IQCH: variants seen among roughly 807,000 people sequenced by gnomAD.
The protein encoded by IQCH is IQ motif containing H, also known as IQ domain-containing protein H.
IQCH carries 98 observed loss-of-function variants against 117.0 expected under a neutral mutation model. The ratio of observed to expected loss-of-function variants is 0.84; its 90% CI spans 0.71 to 0.99. The LOEUF is 0.99. IQCH is among the 50% of genes least tolerant of loss of function. The probability of loss-of-function intolerance (pLI) is 0.00; values close to 1 mark genes in which losing one functional copy is unlikely to be tolerated. For synonymous variants in IQCH, 412 were observed against 448.2 expected, an observed-to-expected ratio of 0.92 and a Z score of 1.02; for missense variants, 1,102 against 1,243.8, an observed-to-expected ratio of 0.89 and a Z score of 1.72.
In IQCH at chr15:67,411,534, T is replaced by A. The variant is rs2081450009; in HGVS notation, c.2098-5397T>A. ...TCCCTTGATTTTCTTTTGAACACCA[T>A]CAGTGTCTGATATGGGAGATTTGAG... is the stretch of plus-strand genomic sequence containing the variant. On this transcript the variant is annotated intron_variant, in intron 14 of 20. Coordinates refer to ENST00000335894, the MANE Select transcript of IQCH (RefSeq NM_001031715.3). This position sits in a 1 kb window ranked among gnomAD's most constrained non-coding sequence, Gnocchi z 4.4. 6.6e-6 allele frequency among the ~76,000 whole-genome samples: 1 copy of A among 152,190 alleles called. No homozygotes were observed. The highest frequency in any genetic ancestry group is 2.1e-4 in the South Asian group (1 of 4,832).
intron 14 of IQCH, among the ~76,000 whole-genome samples, chr15:67,400,634 G>A (rs1204553328): frequency 1.3e-5 from 2 of 151,080 alleles, no homozygotes; most frequent in African/African-American, 2.4e-5. Context: ...ACAGGCATGC[G>A]CCACCATGCC....
rs1267180227 is a variant in IQCH at position 67,430,301 on chromosome 15, G to A, written c.2505+8724G>A. ...ATAAACAGTATCTAGTAGGTTCTAGGAGGGATATGAAGTACTTACTAAAGG... is the reference window on the plus strand; with the variant it reads ...ATAAACAGTATCTAGTAGGTTCTAGAAGGGATATGAAGTACTTACTAAAGG... On this transcript the variant is annotated intron_variant, in intron 16 of 20. Coordinates refer to ENST00000335894, the MANE Select transcript of IQCH (RefSeq NM_001031715.3). The surrounding 1 kb of genome is among the most constrained non-coding windows in gnomAD (Gnocchi z 5.1). The A allele has an allele frequency of 6.6e-6, 1 of 152,098 alleles. No individual in the cohort carries two copies. The highest frequency in any genetic ancestry group is 1.5e-5 in the Non-Finnish European group (1 of 68,012). 9.4% of individuals were successfully genotyped at this position (152,098 alleles called of 1,614,324 possible).
At chr15:67,269,539 G>A (rs1433113952) in intron 3 of IQCH, among the ~76,000 whole-genome samples, 5 of 152,112 alleles carry the variant, frequency 3.3e-5, no homozygotes, top group Non-Finnish European at 7.4e-5. Flanking sequence ...GTAGAGTAGT[G>A]TTAACTATAG....
At position 67,501,154 on chromosome 15, in the gene IQCH, T is replaced by C. The variant is rs1474843574; in HGVS notation, c.*408T>C. On this transcript the variant is annotated 3_prime_UTR_variant, in exon 21 of 21. Coordinates refer to ENST00000335894, the MANE Select transcript of IQCH (RefSeq NM_001031715.3). This position sits in a 1 kb window ranked among gnomAD's most constrained non-coding sequence, Gnocchi z 5.2. ...ATAGTCCATCGATCTTCTGCATTTATAGGTTTGAATAAAGGCTTAAGAATT... is the reference window on the plus strand; with the variant it reads ...ATAGTCCATCGATCTTCTGCATTTACAGGTTTGAATAAAGGCTTAAGAATT... 1.3e-5 allele frequency: 2 copies of C among 152,554 alleles called. No homozygotes were observed. Among genetic ancestry groups the C allele is most frequent in the South Asian group, 2.1e-4 (1 of 4,840 alleles). The allele number at this position is 152,554 out of a possible 1,614,324, so 9.5% of individuals were successfully genotyped here.
In IQCH at chr15:67,359,936, C is replaced by T. The variant is rs768883589; in HGVS notation, c.753+51C>T. 18 of 1,461,734 alleles carry T rather than the reference C, an allele frequency of 1.2e-5. No individual in the cohort carries two copies. Among genetic ancestry groups the T allele is most frequent in the Non-Finnish European group, 1.6e-5 (17 of 1,041,636 alleles). 90.5% of individuals were successfully genotyped at this position (1,461,734 alleles called of 1,614,324 possible). A position where few individuals can be genotyped will look rare whatever the true frequency, so the allele number is the denominator to read the frequency against. On this transcript the variant is annotated intron_variant, in intron 8 of 20. Transcript: ENST00000335894. This position sits in a 1 kb window ranked among gnomAD's most constrained non-coding sequence, Gnocchi z 4.5. ...AATTTAGGGTCTGTCACCTGATGTC[C>T]CTTCCTTTTGCTGCAGGGCAAGAGT...
Position 67,450,096 on chromosome 15 carries a change from A to G in IQCH, c.2506-15031A>G, listed in dbSNP as rs534206254. Reference sequence around the variant, plus strand: ...ATTTTGTAACCTGAGACTTTGCTGAAGTTGCTTATCAGCTTGAGATTTTGG... The same window carrying G: ...ATTTTGTAACCTGAGACTTTGCTGAGGTTGCTTATCAGCTTGAGATTTTGG... On this transcript the variant is annotated intron_variant, in intron 16 of 20. Coordinates refer to ENST00000335894, the MANE Select transcript of IQCH (RefSeq NM_001031715.3). Among the ~76,000 whole-genome samples the G allele has an allele frequency of 6.6e-5, 10 of 152,344 alleles. No homozygotes were observed. The South Asian group carries it at 2.1e-3, about 32-fold the overall frequency.
chr15:67,402,097 G>GC (rs1596313289), intron 14 of IQCH, among the ~76,000 whole-genome samples: 2 of 152,202 alleles, frequency 1.3e-5, no homozygotes, highest in East Asian at 3.9e-4. Context: ...GTATTTAGAA[G>GC]CCTCATTGTG....
chr15:67,451,839 T>C (rs1291183574), intron 16 of IQCH, among the ~76,000 whole-genome samples: 5 of 152,150 alleles, frequency 3.3e-5, no homozygotes, highest in Non-Finnish European at 7.3e-5. Context: ...AAGTCTCCCA[T>C]TATTATTGTG....
intron 5 of IQCH, among the ~76,000 whole-genome samples, chr15:67,339,321 C>G (rs1211611973): frequency 6.6e-6 from 1 of 152,136 alleles, no homozygotes; most frequent in Non-Finnish European, 1.5e-5. Context: ...TCATGACTCT[C>G]ATACAAACAT....
intron 4 of IQCH, among the ~76,000 whole-genome samples, chr15:67,284,405 A>G (rs974179007): frequency 1.4e-4 from 22 of 152,114 alleles, no homozygotes; most frequent in African/African-American, 5.1e-4. Flanking sequence ...ATAGTACTTC[A>G]CTGTGTATAT....
chr15:67,500,708 TC>T lies in IQCH; in HGVS notation c.3048del (p.Asp1018MetfsTer34), dbSNP rs1443250784. 6.2e-7 allele frequency: 1 copy of T among 1,602,100 alleles called. No individual in the cohort carries two copies. On this transcript the variant is annotated frameshift_variant, in exon 21 of 21. Transcript: ENST00000335894. LOFTEE classifies it low-confidence loss of function (END_TRUNC). The surrounding 1 kb of genome is among the most constrained non-coding windows in gnomAD (Gnocchi z 4.4). Reference protein sequence around the residue: ...NKMRFEEEQQSKDDKNLSKPK... With the variant: ...NKMRFEEEQQXKDDKNLSKPK... The stretch of plus-strand genomic sequence containing the variant: ...AATGAGATTTGAAGAGGAGCAACAG[TC>T]CAAAGATGATAAAAACCTCTCTAAA...
chr15:67,389,619 A>G (rs553541795), intron 12 of IQCH, among the ~76,000 whole-genome samples: 30 of 152,106 alleles, frequency 2.0e-4, no homozygotes, highest in Middle Eastern at 6.9e-3. Context: ...AAGATGGCTT[A>G]AAACGAATTT....
Position 67,390,854 on chromosome 15 carries a change from C to T in IQCH, c.1632+1848C>T, listed in dbSNP as rs144718323. ...AAAGATAGCTCTTTTTACCTATCTCCGTTTATGGCTGAGGAAACCAAGACT... is the reference window on the plus strand; with the variant it reads ...AAAGATAGCTCTTTTTACCTATCTCTGTTTATGGCTGAGGAAACCAAGACT... On this transcript the variant is annotated intron_variant, in intron 12 of 20. Coordinates refer to ENST00000335894, the MANE Select transcript of IQCH (RefSeq NM_001031715.3). The surrounding 1 kb of genome is among the most constrained non-coding windows in gnomAD (Gnocchi z 5.0). 5.3e-5 allele frequency among the ~76,000 whole-genome samples: 8 copies of T among 152,262 alleles called. No homozygotes were observed. The East Asian group carries it at 1.4e-3, about 26-fold the overall frequency.
intron 4 of IQCH, among the ~76,000 whole-genome samples, chr15:67,302,654 C>T (rs1299106313): frequency 2.0e-5 from 3 of 152,030 alleles, no homozygotes; most frequent in East Asian, 1.9e-4. Flanking sequence ...GTCAGGAGTT[C>T]GAGACCAGCC....
At chr15:67,477,056 T>TC (rs1453673379) in intron 18 of IQCH, among the ~76,000 whole-genome samples, 2 of 138,294 alleles carry the variant, frequency 1.4e-5, no homozygotes, top group African/African-American at 5.4e-5. Flanking sequence ...TTTTTTTTTT[T>TC]TTTTTTTTTT....
At chr15:67,296,825 G>T (rs1215447894) in intron 4 of IQCH, among the ~76,000 whole-genome samples, 5 of 152,074 alleles carry the variant, frequency 3.3e-5, no homozygotes. Flanking sequence ...ATCCTCACTG[G>T]CAAAGTAGTG....
At chr15:67,347,779 A>G (rs1969464369) in intron 6 of IQCH, among the ~76,000 whole-genome samples, 1 of 148,766 alleles carries the variant, frequency 6.7e-6, no homozygotes, top group Admixed American at 6.8e-5. Context: ...AAATATAGCA[A>G]ATTGAATCTA....
In IQCH at chr15:67,372,149, A is replaced by T. The variant is rs530132748; in HGVS notation, c.792A>T (p.Ser264=). 5.4e-5 allele frequency: 87 copies of T among 1,612,458 alleles called. No homozygotes were observed. In the South Asian group the frequency reaches 9.5e-4, roughly 18 times the overall value. Residue 264 remains serine (S), a synonymous_variant, in exon 9 of 21, where the codon TCA becomes TCT. Transcript: ENST00000335894. ...KVKTPLRALK[S]LWDYDFLIYD... Reference sequence around the variant, plus strand: ...AAACACCTTTGAGAGCCCTGAAATCACTGTGGGATTATGACTTTTTAATTT... The same window carrying T: ...AAACACCTTTGAGAGCCCTGAAATCTCTGTGGGATTATGACTTTTTAATTT...
In IQCH at chr15:67,367,287, A is replaced by G. The variant is rs558565669; in HGVS notation, c.754-4824A>G. Among the ~76,000 whole-genome samples, 46 of 152,264 alleles carry G rather than the reference A, an allele frequency of 3.0e-4. 1 individual carries two copies. Among genetic ancestry groups the G allele is most frequent in the African/African-American group, 1.0e-3 (42 of 41,552 alleles). ...GCAGTGGGTCATGCCTGTAACCCCA[A>G]CACTTTGGGAGGCTGGGGTGGGTGG... On this transcript the variant is annotated intron_variant, in intron 8 of 20. Coordinates refer to ENST00000335894, the MANE Select transcript of IQCH (RefSeq NM_001031715.3).
Sources: gnomAD v4.1 joint callset for allele counts (sites outside exome capture counted in the v4.1 genomes callset) on GRCh38, gnomAD v4.1.1 for gene constraint, Gnocchi (gnomAD v3.1) non-coding constraint, MANE v1.5 for transcripts, NCBI Gene and HGNC (gene_info 2026-07-23, HGNC 2026-07-21) for gene names.